The following DGKI variants were observed in gnomAD, a reference collection of about 807,000 sequenced individuals.
The protein encoded by DGKI is DAG kinase iota.
In DGKI, 55 loss-of-function variants were observed where a neutral mutation model predicts 147.5. The observed-to-expected ratio is 0.37, with a 90% CI of 0.30 to 0.47. The LOEUF is 0.47. Among genes scored for constraint, DGKI ranks in the 20% least tolerant of loss-of-function variants. The probability of loss-of-function intolerance (pLI) is 1.00; values close to 1 mark genes in which losing one functional copy is unlikely to be tolerated. For missense variants in DGKI, 1,007 were observed against 1,323.8 expected (o/e 0.76, Z 3.71); for synonymous variants, 469 against 477.1 (o/e 0.98, Z 0.22).
At chr7:137,542,681 G>T (rs1201768786) in intron 20 of DGKI, among the ~76,000 whole-genome samples, 1 of 152,156 alleles carries the variant, frequency 6.6e-6, no homozygotes, top group Non-Finnish European at 1.5e-5. Context: ...GACTATGGTG[G>T]TGGTTATATG....
At chr7:137,609,206 A>G (rs1820282963) in intron 9 of DGKI, 142 bp from the exon 10 acceptor site, 6 of 635,538 alleles carry the variant, frequency 9.4e-6, no homozygotes, top group Non-Finnish European at 1.6e-5. Flanking sequence ...TAAGGCTTGG[A>G]AGAAAGTATC....
chr7:137,571,032 TCTTG>T, intron 19 of DGKI, 139 bp downstream of exon 19: 1 of 585,210 alleles, frequency 1.7e-6, no homozygotes, highest in Non-Finnish European at 2.9e-6. Context: ...TGATTTTTTT[TCTTG>T]TTTTTCCTAA....
intron 32 of DGKI, among the ~76,000 whole-genome samples, chr7:137,394,892 C>T (rs532358035): frequency 3.9e-5 from 6 of 152,262 alleles, no homozygotes; most frequent in African/African-American, 1.2e-4. Flanking sequence ...CAACACTGGG[C>T]TGGACGTCAA....
At position 137,654,627 on chromosome 7, in the gene DGKI, G is replaced by A. The variant is rs558783781; in HGVS notation, c.738+105C>T. The stretch of plus-strand genomic sequence containing the variant: ...GTTAACAAAAAATTGGCATGCAACA[G>A]AAAGAGATAGAATTTATTTTTTATT... On this transcript the variant is annotated intron_variant, in intron 5 of 32. Coordinates refer to ENST00000614521, the MANE Select transcript of DGKI (RefSeq NM_001321708.2). 6.8e-5 allele frequency: 59 copies of A among 865,882 alleles called. No homozygotes were observed. In the African/African-American group the frequency reaches 9.6e-4, roughly 14 times the overall value. The allele number at this position is 865,882 out of a possible 1,614,324, so 53.6% of individuals were successfully genotyped here.
At chr7:137,644,369 G>A (rs1399209210) in intron 6 of DGKI, among the ~76,000 whole-genome samples, 1 of 152,242 alleles carries the variant, frequency 6.6e-6, no homozygotes, top group Non-Finnish European at 1.5e-5. Flanking sequence ...TGCCCTGGAG[G>A]CTAAGGTGTG....
At chr7:137,710,121 C>G (rs2116560835) in intron 1 of DGKI, among the ~76,000 whole-genome samples, 1 of 152,060 alleles carries the variant, frequency 6.6e-6, no homozygotes, top group East Asian at 1.9e-4. Context: ...TATTTAAAGA[C>G]ATATTAGAAA....
At chr7:137,823,732 G>C (rs921591209) in intron 1 of DGKI, among the ~76,000 whole-genome samples, 3 of 152,156 alleles carry the variant, frequency 2.0e-5, no homozygotes, top group African/African-American at 7.2e-5. Context: ...AGTTCAGACA[G>C]GGCAAGATGA....
Position 137,430,938 on chromosome 7 carries a change from G to A in DGKI, c.2761+13139C>T, listed in dbSNP as rs376269674. Among the ~76,000 whole-genome samples the A allele has an allele frequency of 4.6e-5, 7 of 152,046 alleles. No individual in the cohort carries two copies. In the East Asian group the frequency reaches 9.7e-4, roughly 21 times the overall value. On this transcript the variant is annotated intron_variant, in intron 28 of 32. Coordinates refer to ENST00000614521, the MANE Select transcript of DGKI (RefSeq NM_001321708.2). ...GCCAAAGACTCTCCCTCCTCTCCCC[G>A]AACTCCCACCCCTATAACATCAACA...
chr7:137,553,466 A>G (rs1818118949), intron 19 of DGKI, among the ~76,000 whole-genome samples: 1 of 152,218 alleles, frequency 6.6e-6, no homozygotes, highest in African/African-American at 2.4e-5. Context: ...TCAGTTCATC[A>G]TGGTAGCCAC....
intron 26 of DGKI, among the ~76,000 whole-genome samples, chr7:137,465,388 T>C (rs1232889664): frequency 6.6e-6 from 1 of 152,208 alleles, no homozygotes; most frequent in Non-Finnish European, 1.5e-5. Context: ...ATTATTGTTA[T>C]TTGTATTTTA....
At chr7:137,617,124 CAA>C (rs60654879) in intron 8 of DGKI, among the ~76,000 whole-genome samples, 1,447 of 48,006 alleles carry the variant, frequency 0.03, 12 homozygotes, top group African/African-American at 0.074. Flanking sequence ...TCCCTTTTAC[CAA>C]AAAAAAAAAA....
chr7:137,436,833 T>C (rs1346153306), intron 28 of DGKI, among the ~76,000 whole-genome samples: 1 of 152,192 alleles, frequency 6.6e-6, no homozygotes, highest in East Asian at 1.9e-4. Flanking sequence ...ATAAATACGA[T>C]ATTGATTTCT....
chr7:137,772,401 C>T (rs935519836), intron 1 of DGKI, among the ~76,000 whole-genome samples: 5 of 152,142 alleles, frequency 3.3e-5, no homozygotes, highest in East Asian at 1.9e-4. Context: ...CCTGGGTGAC[C>T]GGCACAGTGT....
intron 29 of DGKI, among the ~76,000 whole-genome samples, chr7:137,410,651 G>A (rs1465171345): frequency 3.3e-5 from 5 of 152,194 alleles, no homozygotes; most frequent in Non-Finnish European, 2.9e-5. Context: ...TCAGGATCTT[G>A]GGAAATCAGT....
chr7:137,636,603 C>T (rs1821320647), intron 6 of DGKI, among the ~76,000 whole-genome samples: 1 of 152,154 alleles, frequency 6.6e-6, no homozygotes, highest in African/African-American at 2.4e-5. Context: ...GAGTCACCCT[C>T]CCATCTTCAG....
Position 137,619,827 on chromosome 7 carries a change from A to T in DGKI, c.990T>A (p.Pro330=). The T allele has an allele frequency of 6.2e-7, 1 of 1,612,562 alleles. No homozygotes were observed. Among genetic ancestry groups the T allele is most frequent in the Non-Finnish European group, 8.5e-7 (1 of 1,178,886 alleles). ...PPTWIIKVKK[P]QNSLKASNRK... ...GCACCAGAGTCCTGGCAGTTACCTG[A>T]GGTTTCTTCACCTTAATGATCCAAG... The change falls in exon 8 of 33, where the codon CCT becomes CCA. Residue 330 remains proline (P), a synonymous_variant. Transcript: ENST00000614521.
chr7:137,792,241 G>C (rs183621330), intron 1 of DGKI, among the ~76,000 whole-genome samples: 2 of 152,046 alleles, frequency 1.3e-5, no homozygotes, highest in East Asian at 1.9e-4. Flanking sequence ...ATGAGATAGA[G>C]ATAAAGTTAG....
rs1056271061 is a variant in DGKI, at chr7:137,392,833, G to T, written c.3058-1497C>A. 7.3e-5 allele frequency among the ~76,000 whole-genome samples: 10 copies of T among 136,312 alleles called. No homozygotes were observed. In the Admixed American group the frequency reaches 7.4e-4, roughly 10 times the overall value. 89.4% of individuals were successfully genotyped at this position (136,312 alleles called of 152,430 possible). ...TGAACTCTAATAGGAGAAATTCTCA[G>T]GATGCTGCTTCTCTCCAAAAAATTC... On this transcript the variant is annotated intron_variant, in intron 32 of 32. Transcript: ENST00000614521.
chr7:137,791,271 T>C (rs963827682), intron 1 of DGKI, among the ~76,000 whole-genome samples: 5 of 152,232 alleles, frequency 3.3e-5, no homozygotes, highest in Non-Finnish European at 7.3e-5. Flanking sequence ...AGAATACTTA[T>C]TTAATGGGTT....
Sources: allele counts gnomAD v4.1 joint callset (sites outside exome capture counted in the v4.1 genomes callset), GRCh38; gene constraint gnomAD v4.1.1; transcripts MANE v1.5; gene names NCBI Gene and HGNC (gene_info 2026-07-23, HGNC 2026-07-21).